RC3H1: variants seen among roughly 807,000 people sequenced by gnomAD.
The protein encoded by RC3H1 is ring finger and CCCH-type domains 1.
In RC3H1, 50 loss-of-function variants were observed where a neutral mutation model predicts 138.2. The observed-to-expected ratio is 0.36, with a 90% CI of 0.29 to 0.46. The LOEUF is 0.46. RC3H1 is among the 20% of genes least tolerant of loss of function. The probability of loss-of-function intolerance (pLI) is 1.00; values close to 1 mark genes in which losing one functional copy is unlikely to be tolerated. For missense variants in RC3H1, 1,031 were observed against 1,388.1 expected, an observed-to-expected ratio of 0.74 and a Z score of 4.09; for synonymous variants, 462 against 489.1, an observed-to-expected ratio of 0.94 and a Z score of 0.73.
At chr1:173,940,156 C>T (rs1306748094) in intron 19 of RC3H1, among the ~76,000 whole-genome samples, 1 of 151,988 alleles carries the variant, frequency 6.6e-6, no homozygotes, top group Non-Finnish European at 1.5e-5. Flanking sequence ...TAGCAAGAGG[C>T]TAAATGCCCA....
rs1660310958 is a variant in RC3H1, at chr1:173,970,495, T to G, written c.1334+10A>C. ...ACCTTATTCCAAAGTCTCCTGACTTTCACACTTACTTTTCCAGTTCCTCCT... is the reference window on the plus strand; with the variant it reads ...ACCTTATTCCAAAGTCTCCTGACTTGCACACTTACTTTTCCAGTTCCTCCT... On this transcript the variant is annotated intron_variant, in intron 9 of 19. Coordinates refer to ENST00000367696, the MANE Select transcript of RC3H1 (RefSeq NM_172071.4). 3 of 1,588,688 alleles carry G rather than the reference T, an allele frequency of 1.9e-6. No individual in the cohort carries two copies. Among genetic ancestry groups the G allele is most frequent in the African/African-American group, 1.3e-5 (1 of 74,466 alleles).
In RC3H1 at chr1:173,936,328, G is replaced by A. The variant is rs865885558; in HGVS notation, c.*2393C>T. The A allele has an allele frequency of 6.6e-6, 1 of 151,890 alleles. No homozygotes were observed. The highest frequency in any genetic ancestry group is 2.4e-5 in the African/African-American group (1 of 41,324). The allele number at this position is 151,890 out of a possible 1,614,324, so 9.4% of individuals were successfully genotyped here. A position where few individuals can be genotyped will look rare whatever the true frequency, so the allele number is the denominator to read the frequency against. On this transcript the variant is annotated 3_prime_UTR_variant, in exon 20 of 20. Coordinates refer to ENST00000367696, the MANE Select transcript of RC3H1 (RefSeq NM_172071.4). ...CTGACATACCCAAAGGAGAAGATCA[G>A]TCCAAATCTGCTTATAAGAAGGTTG...
At chr1:173,965,416 C>T (rs1660070351) in intron 9 of RC3H1, among the ~76,000 whole-genome samples, 1 of 152,044 alleles carries the variant, frequency 6.6e-6, no homozygotes, top group African/African-American at 2.4e-5. Flanking sequence ...CATGGTGAAG[C>T]TCCGTCTCTA....
Position 173,947,366 on chromosome 1 carries a change from T to C in RC3H1, c.2737+3A>G. 1 of 1,605,794 alleles carries C rather than the reference T, an allele frequency of 6.2e-7. No individual in the cohort carries two copies. Among genetic ancestry groups the C allele is most frequent in the Non-Finnish European group, 8.5e-7 (1 of 1,172,536 alleles). ...TAGGTCAGCTTACCTCTGAGATTCT[T>C]ACCTGAAATGTTAATAGATTTTGTA... On this transcript the variant is annotated splice_donor_region_variant and intron_variant, in intron 15 of 19. Coordinates refer to ENST00000367696, the MANE Select transcript of RC3H1 (RefSeq NM_172071.4).
chr1:173,947,299 G>T (rs1659175151), intron 15 of RC3H1, 70 bp downstream of exon 15: 12 of 1,020,364 alleles, frequency 1.2e-5, no homozygotes, highest in Non-Finnish European at 1.8e-5. Context: ...GATAGTAAAT[G>T]GAGAGCAGGG....
Position 173,964,106 on chromosome 1 carries a change from A to G in RC3H1, c.1698T>C (p.Pro566=). ...GAAGTGGTTTGGTAACAGGCATTGGAGGCAGATCTGCTGGCCCCCTTGGAG... is the reference window on the plus strand; with the variant it reads ...GAAGTGGTTTGGTAACAGGCATTGGGGGCAGATCTGCTGGCCCCCTTGGAG... ...SIPPRGPADL[P]PMPVTKPLQM... is the part of the protein sequence containing the mutation. Residue 566 remains proline (P), a synonymous_variant, in exon 11 of 20, where the codon CCT becomes CCC. Transcript: ENST00000367696. 1.2e-6 allele frequency: 2 copies of G among 1,614,166 alleles called. No homozygotes were observed.
intron 1 of RC3H1, among the ~76,000 whole-genome samples, chr1:174,004,536 T>C (rs1571240257): frequency 6.6e-6 from 1 of 151,688 alleles, no homozygotes; most frequent in South Asian, 2.1e-4. Context: ...CCAGGGGCAG[T>C]GGCTCATGCC....
At chr1:173,959,653 C>T (rs6425263) in intron 13 of RC3H1, among the ~76,000 whole-genome samples, 7,490 of 152,006 alleles carry the variant, frequency 0.049, 624 homozygotes, top group African/African-American at 0.17. Context: ...TGCCTGTAGT[C>T]CCAGCTACTT....
rs918850671 is a variant in RC3H1, at chr1:174,022,215, G to C, written c.-270C>G. 7 of 393,484 alleles carry C rather than the reference G, an allele frequency of 1.8e-5. No individual in the cohort carries two copies. Among genetic ancestry groups the C allele is most frequent in the Non-Finnish European group, 3.1e-5 (7 of 223,232 alleles). The allele number at this position is 393,484 out of a possible 1,614,324, so 24.4% of individuals were successfully genotyped here. On this transcript the variant is annotated 5_prime_UTR_variant, in exon 1 of 20. Coordinates refer to ENST00000367696, the MANE Select transcript of RC3H1 (RefSeq NM_172071.4). This position sits in a 1 kb window ranked among gnomAD's most constrained non-coding sequence, Gnocchi z 4.2. ...ACTCTGATTCTGTCCCAGGCCGCCGGGCCACGGCTGCCGCCGCCACCGCCA... is the reference window on the plus strand; with the variant it reads ...ACTCTGATTCTGTCCCAGGCCGCCGCGCCACGGCTGCCGCCGCCACCGCCA...
intron 1 of RC3H1, among the ~76,000 whole-genome samples, chr1:173,994,371 G>A (rs548111002): frequency 5.3e-5 from 8 of 152,248 alleles, no homozygotes; most frequent in South Asian, 4.1e-4. Context: ...CTGCCTGGGC[G>A]ACACAGTGAG....
chr1:173,952,202 G>C (rs1659435957), intron 13 of RC3H1, 64 bp from the exon 14 acceptor site: 3 of 1,207,774 alleles, frequency 2.5e-6, no homozygotes, highest in East Asian at 5.2e-5. Context: ...ACAGGAAATG[G>C]GTCTATGAGT....
chr1:173,953,900 G>A (rs1185617560), intron 13 of RC3H1, among the ~76,000 whole-genome samples: 3 of 152,060 alleles, frequency 2.0e-5, no homozygotes, highest in Admixed American at 6.6e-5. Context: ...TTAGCTGGGC[G>A]TGTTGGTGCA....
chr1:173,970,415 G>A, intron 9 of RC3H1, 90 bp downstream of exon 9: 1 of 830,358 alleles, frequency 1.2e-6, no homozygotes, highest in Non-Finnish European at 2.0e-6. Flanking sequence ...ATTCATTTAA[G>A]ATAAAGCAGC....
At chr1:173,959,727 C>T (rs1031226894) in intron 13 of RC3H1, among the ~76,000 whole-genome samples, 4 of 151,952 alleles carry the variant, frequency 2.6e-5, no homozygotes, top group African/African-American at 7.3e-5. Flanking sequence ...GCTGAGATCG[C>T]ACCACTGCAC....
At chr1:174,017,125 C>T (rs746360753) in intron 1 of RC3H1, among the ~76,000 whole-genome samples, 10 of 152,202 alleles carry the variant, frequency 6.6e-5, no homozygotes, top group Non-Finnish European at 1.2e-4. Flanking sequence ...TTCTAAAAAT[C>T]GTTTCCCAGT....
At chr1:173,962,137 A>C in intron 11 of RC3H1, 42 bp from the exon 12 acceptor site, 1 of 1,532,936 alleles carries the variant, frequency 6.5e-7, no homozygotes, top group Non-Finnish European at 8.8e-7. Context: ...ATAATGAGCC[A>C]ATTTAGTTTT....
chr1:173,982,634 A>G (rs1224420299), intron 5 of RC3H1, 93 bp downstream of exon 5: 17 of 1,123,310 alleles, frequency 1.5e-5, no homozygotes, highest in Non-Finnish European at 2.1e-5. Context: ...CTGAAAAGAT[A>G]CAGGCAACTT....
intron 13 of RC3H1, among the ~76,000 whole-genome samples, chr1:173,955,897 G>A (rs981752884): frequency 2.6e-5 from 4 of 151,992 alleles, no homozygotes; most frequent in East Asian, 1.9e-4. Flanking sequence ...TTGGGAGGCC[G>A]AGGTGGCTAG....
At chr1:173,978,248 A>G (rs1459702036) in intron 7 of RC3H1, among the ~76,000 whole-genome samples, 1 of 152,224 alleles carries the variant, frequency 6.6e-6, no homozygotes, top group African/African-American at 2.4e-5. Flanking sequence ...AAAGAAGCCC[A>G]GAGAAATCTA....
Sources: gnomAD v4.1 joint callset for allele counts (sites outside exome capture counted in the v4.1 genomes callset) on GRCh38, gnomAD v4.1.1 for gene constraint, Gnocchi (gnomAD v3.1) non-coding constraint, MANE v1.5 for transcripts, NCBI Gene and HGNC (gene_info 2026-07-23, HGNC 2026-07-21) for gene names.